The following NOTCH2 variants were observed in gnomAD, a reference collection of about 807,000 sequenced individuals.
NOTCH2 encodes neurogenic locus notch homolog protein 2.
A neutral mutation model predicts 235.8 loss-of-function variants in NOTCH2; 29 were observed. That is an observed-to-expected ratio of 0.12 (90% CI 0.09 to 0.17). The LOEUF is 0.17. Among genes scored for constraint, NOTCH2 ranks in the 10% least tolerant of loss-of-function variants. NOTCH2 has a pLI of 1.00. For synonymous variants in NOTCH2, 1,086 were observed against 1,141.5 expected, an observed-to-expected ratio of 0.95 and a Z score of 0.98; for missense variants, 2,285 against 3,150.2, an observed-to-expected ratio of 0.73 and a Z score of 6.57.
chr1:119,935,254 C>T (rs1649807443), intron 22 of NOTCH2: 1 of 1,453,268 alleles, frequency 6.9e-7, no homozygotes. Flanking sequence ...TATCAAGATG[C>T]CAAACAACCA....
At chr1:119,963,510 T>C in intron 11 of NOTCH2, 64 bp downstream of exon 11, 1 of 1,391,172 alleles carries the variant, frequency 7.2e-7, no homozygotes, top group Admixed American at 1.7e-5. Flanking sequence ...GTCTGAAACA[T>C]CTGTGTAAAC....
At chr1:119,951,457 C>G in intron 14 of NOTCH2, among the ~76,000 whole-genome samples, 1 of 152,276 alleles carries the variant, frequency 6.6e-6, no homozygotes, top group African/African-American at 2.4e-5. Flanking sequence ...CAGCCAATAG[C>G]TTGTTGCATG....
chr1:119,947,674 A>G (rs1650311220), intron 17 of NOTCH2, among the ~76,000 whole-genome samples: 1 of 152,236 alleles, frequency 6.6e-6, no homozygotes, highest in Non-Finnish European at 1.5e-5. Context: ...CAAGAGAACT[A>G]AAACCATATG....
In NOTCH2 at chr1:119,937,840, A is replaced by T; in HGVS notation, c.3337+17T>A. The T allele has an allele frequency of 1.9e-6, 3 of 1,614,108 alleles. No individual in the cohort carries two copies. Among genetic ancestry groups the T allele is most frequent in the Non-Finnish European group, 2.5e-6 (3 of 1,179,996 alleles). ...ATACTGCAGTGAATGACCTGAGCCC[A>T]AGGGAGCAAAGCTTACCTCTCCTGG... is the stretch of plus-strand genomic sequence containing the variant. On this transcript the variant is annotated intron_variant, in intron 20 of 33. Coordinates refer to ENST00000256646, the MANE Select transcript of NOTCH2 (RefSeq NM_024408.4).
chr1:120,000,530 C>CT (rs1156587947), intron 3 of NOTCH2, among the ~76,000 whole-genome samples: 1 of 108,050 alleles, frequency 9.3e-6, no homozygotes. Flanking sequence ...AATACTCCAT[C>CT]TCAAAAAAAA....
intron 12 of NOTCH2, among the ~76,000 whole-genome samples, chr1:119,957,885 A>ACACACACAC (rs1553198569): frequency 3.9e-5 from 3 of 76,962 alleles, no homozygotes; most frequent in Admixed American, 1.3e-4. Context: ...CACACACACA[A>ACACACACAC]CAGGCCCCTA....
intron 12 of NOTCH2, among the ~76,000 whole-genome samples, chr1:119,956,640 T>C (rs1359759919): frequency 1.3e-5 from 2 of 152,224 alleles, no homozygotes; most frequent in Non-Finnish European, 2.9e-5. Flanking sequence ...CACCAAAATA[T>C]GAACCAGAGC....
intron 4 of NOTCH2, chr1:119,996,030 T>TCC (rs1557837728): frequency 6.5e-6 from 1 of 153,054 alleles, no homozygotes; most frequent in Non-Finnish European, 1.5e-5. Flanking sequence ...AGCACATTAC[T>TCC]CCCCCCTACA....
chr1:119,969,878 T>A, intron 5 of NOTCH2, 134 bp from the exon 6 acceptor site: 1 of 803,466 alleles, frequency 1.2e-6, no homozygotes, highest in South Asian at 1.5e-5. Flanking sequence ...AGGCTGGGTC[T>A]TCACATGAAT....
chr1:119,942,725 A>G (rs1476073572), intron 17 of NOTCH2, among the ~76,000 whole-genome samples: 1 of 152,216 alleles, frequency 6.6e-6, no homozygotes, highest in African/African-American at 2.4e-5. Context: ...AAAAATTTAA[A>G]AATACTCAAT....
chr1:120,001,614 T>G (rs1460462635), intron 3 of NOTCH2, among the ~76,000 whole-genome samples: 1 of 152,028 alleles, frequency 6.6e-6, no homozygotes, highest in Non-Finnish European at 1.5e-5. Context: ...AGCTACTTGG[T>G]GGCAGGTTGA....
intron 1 of NOTCH2, among the ~76,000 whole-genome samples, chr1:120,065,439 AG>A (rs1553216918): frequency 6.6e-6 from 1 of 152,194 alleles, no homozygotes. Context: ...TAAGCACTTG[AG>A]GATGTTATAA....
At chr1:120,065,599 G>C (rs2799242) in intron 1 of NOTCH2, among the ~76,000 whole-genome samples, 931 of 142,486 alleles carry the variant, frequency 6.5e-3, no homozygotes, top group African/African-American at 0.02. Flanking sequence ...AATGGAGGAC[G>C]GAAACAGTGG....
At chr1:119,960,547 T>C (rs1650896594) in intron 11 of NOTCH2, among the ~76,000 whole-genome samples, 2 of 151,914 alleles carry the variant, frequency 1.3e-5, no homozygotes, top group South Asian at 4.2e-4. Flanking sequence ...TAGTGATGCT[T>C]TCTGAGTATC....
rs1648947064 is a variant in NOTCH2 at position 119,913,183 on chromosome 1, G to A, written c.*2123C>T. ...AAAATGTTTGCACACTATGAAAGAG[G>A]CTGACAGAATGTTGCCACATGGAGA... is the stretch of plus-strand genomic sequence containing the variant. On this transcript the variant is annotated 3_prime_UTR_variant, in exon 34 of 34. Transcript: ENST00000256646. The A allele has an allele frequency of 4.3e-6, 1 of 233,310 alleles. No homozygotes were observed. The highest frequency in any genetic ancestry group is 2.2e-5 in the African/African-American group (1 of 45,474). The allele number at this position is 233,310 out of a possible 1,614,324, so 14.5% of individuals were successfully genotyped here. A position where few individuals can be genotyped will look rare whatever the true frequency, so the allele number is the denominator to read the frequency against.
Position 120,069,496 on chromosome 1 carries a change from T to C in NOTCH2, c.-90A>G. 5 of 1,462,278 alleles carry C rather than the reference T, an allele frequency of 3.4e-6. No individual in the cohort carries two copies. Among genetic ancestry groups the C allele is most frequent in the Admixed American group, 5.5e-5 (2 of 36,136 alleles). The allele number at this position is 1,462,278 out of a possible 1,614,324, so 90.6% of individuals were successfully genotyped here. On this transcript the variant is annotated 5_prime_UTR_variant, in exon 1 of 34. Transcript: ENST00000256646. Reference sequence around the variant, plus strand: ...GTCCCGATAGAGGAGCCCCACTCTCTCCTCCCCTCCTCCTGCTTCAAAGGC... The same window carrying C: ...GTCCCGATAGAGGAGCCCCACTCTCCCCTCCCCTCCTCCTGCTTCAAAGGC...
At chr1:119,977,296 C>T (rs1651623171) in intron 5 of NOTCH2, among the ~76,000 whole-genome samples, 1 of 152,120 alleles carries the variant, frequency 6.6e-6, no homozygotes, top group Admixed American at 6.6e-5. Flanking sequence ...CCCTTGTCTA[C>T]ACCACCAGTT....
intron 4 of NOTCH2, among the ~76,000 whole-genome samples, chr1:119,989,692 T>C (rs1475816109): frequency 9.4e-5 from 14 of 149,496 alleles, no homozygotes; most frequent in African/African-American, 3.2e-4. Flanking sequence ...CCAAAGAAGA[T>C]ACATAATGAC....
chr1:119,964,198 G>A (rs1179978654), intron 10 of NOTCH2, among the ~76,000 whole-genome samples: 2 of 151,908 alleles, frequency 1.3e-5, no homozygotes, highest in Non-Finnish European at 2.9e-5. Flanking sequence ...TGTATCTTAT[G>A]TCCCCAATTC....
Sources: gnomAD v4.1 joint callset for allele counts (sites outside exome capture counted in the v4.1 genomes callset) on GRCh38, gnomAD v4.1.1 for gene constraint, MANE v1.5 for transcripts, NCBI Gene and HGNC (gene_info 2026-07-23, HGNC 2026-07-21) for gene names.